Variants in DLG5 observed in about 807,000 individuals in gnomAD.
The protein encoded by DLG5 is discs large MAGUK scaffold protein 5, also known as disks large homolog 5.
In DLG5, 48 loss-of-function variants were observed where a neutral mutation model predicts 189.8. The ratio of observed to expected loss-of-function variants is 0.25; its 90% CI spans 0.20 to 0.32. The LOEUF (loss-of-function observed/expected upper bound fraction) is 0.32, where lower values mean the gene tolerates loss of function less well. Ranked by LOEUF, DLG5 falls within the 10% of genes least tolerant of loss-of-function variation. The pLI, the probability that DLG5 is intolerant of heterozygous loss-of-function variation, is 1.00. For synonymous variants in DLG5, 1,016 were observed against 1,054.1 expected (o/e 0.96, Z 0.70); for missense variants, 2,160 against 2,544.7 (o/e 0.85, Z 3.25).
At chr10:77,834,722 T>C (rs761138121) in intron 8 of DLG5, among the ~76,000 whole-genome samples, 133 of 152,024 alleles carry the variant, frequency 8.7e-4, no homozygotes, top group Non-Finnish European at 1.5e-3. Context: ...CAGCCTCGAA[T>C]CTCCCCCAGC....
chr10:77,916,591 CA>C (rs1490841093), intron 1 of DLG5, among the ~76,000 whole-genome samples: 24 of 152,084 alleles, frequency 1.6e-4, no homozygotes, highest in African/African-American at 4.1e-4. Flanking sequence ...CACGCCCGGC[CA>C]AAAACAATTT....
intron 1 of DLG5, among the ~76,000 whole-genome samples, chr10:77,917,753 G>A (rs192734277): frequency 1.4e-4 from 21 of 152,242 alleles, no homozygotes; most frequent in Admixed American, 2.0e-4. Flanking sequence ...CTGGCTGGGC[G>A]CAGTGGCTCA....
At position 77,791,116 on chromosome 10, in the gene DLG5, C is replaced by G. The variant is rs1238916832; in HGVS notation, c.*1324G>C. 2 of 152,572 alleles carry G rather than the reference C, an allele frequency of 1.3e-5. No individual in the cohort carries two copies. The highest frequency in any genetic ancestry group is 1.3e-4 in the Admixed American group (2 of 15,276). The allele number at this position is 152,572 out of a possible 1,614,324, so 9.5% of individuals were successfully genotyped here. On this transcript the variant is annotated 3_prime_UTR_variant, in exon 32 of 32. Coordinates refer to ENST00000372391, the MANE Select transcript of DLG5 (RefSeq NM_004747.4). ...AGAAAATATATCCCTTTTTAAAAAACATCAGTTATGGCTAAACTACAATCT... is the reference window on the plus strand; with the variant it reads ...AGAAAATATATCCCTTTTTAAAAAAGATCAGTTATGGCTAAACTACAATCT...
intron 5 of DLG5, 151 bp from the exon 6 acceptor site, chr10:77,843,857 C>G: frequency 1.1e-6 from 1 of 914,710 alleles, no homozygotes; most frequent in Non-Finnish European, 1.7e-6. Context: ...TCTTGAGGTC[C>G]AATTCTCCAG....
Position 77,834,036 on chromosome 10 carries a change from T to G in DLG5, c.1626A>C (p.Thr542=). 1 of 1,609,236 alleles carries G rather than the reference T, an allele frequency of 6.2e-7. No homozygotes were observed. Among genetic ancestry groups the G allele is most frequent in the South Asian group, 1.1e-5 (1 of 91,020 alleles). ...KIVAERDSIR[T]LCDNLRRERD... is the part of the protein sequence containing the mutation. ...GCTCCCGCCTCAGGTTGTCACACAGTGTCCTGGTGGAAGGAGCAGAGGACA... is the reference window on the plus strand; with the variant it reads ...GCTCCCGCCTCAGGTTGTCACACAGGGTCCTGGTGGAAGGAGCAGAGGACA... The change falls in exon 9 of 32, where the codon ACA becomes ACC. Residue 542 remains threonine (T), a synonymous_variant. Coordinates refer to ENST00000372391, the MANE Select transcript of DLG5 (RefSeq NM_004747.4).
intron 13 of DLG5, among the ~76,000 whole-genome samples, chr10:77,826,429 C>T (rs1842643232): frequency 6.6e-6 from 1 of 151,958 alleles, no homozygotes; most frequent in Admixed American, 6.6e-5. Context: ...AGTTCAAGAC[C>T]AGCCTGGGCA....
At chr10:77,838,039 T>C (rs777432795) in intron 7 of DLG5, among the ~76,000 whole-genome samples, 9 of 152,182 alleles carry the variant, frequency 5.9e-5, no homozygotes, top group Non-Finnish European at 1.0e-4. Flanking sequence ...CTCTGCTTCC[T>C]GGGAAGCTTC....
the DLG5 span, among the ~76,000 whole-genome samples, chr10:77,934,298 G>A: frequency 6.8e-6 from 1 of 148,024 alleles, no homozygotes; most frequent in Non-Finnish European, 1.5e-5. Flanking sequence ...TTGAACCTGG[G>A]AGGCAGAGGT....
At chr10:77,911,471 G>GATTT (rs993433580) in intron 1 of DLG5, among the ~76,000 whole-genome samples, 7 of 152,170 alleles carry the variant, frequency 4.6e-5, no homozygotes, top group African/African-American at 1.7e-4. Flanking sequence ...AATAGAATTA[G>GATTT]ATTTTGTTTC....
chr10:77,814,505 A>ATCTATATC (rs1555546642), intron 20 of DLG5, among the ~76,000 whole-genome samples: 1 of 110,256 alleles, frequency 9.1e-6, no homozygotes, highest in African/African-American at 3.4e-5. Context: ...ATATATATAT[A>ATCTATATC]TCCAAAGGGT....
intron 1 of DLG5, among the ~76,000 whole-genome samples, chr10:77,888,378 C>T (rs1163829420): frequency 1.3e-5 from 2 of 152,168 alleles, no homozygotes; most frequent in African/African-American, 4.8e-5. Flanking sequence ...TGTGTCAGCA[C>T]CTCTTCCCTC....
intron 1 of DLG5, among the ~76,000 whole-genome samples, chr10:77,876,751 A>AGAAGGAAGG: frequency 8.6e-6 from 1 of 115,718 alleles, no homozygotes; most frequent in South Asian, 3.0e-4. Flanking sequence ...AAGGAAGGAA[A>AGAAGGAAGG]AAAAAAAAGT....
At chr10:77,820,878 T>C (rs888028581) in intron 15 of DLG5, 16 of 594,678 alleles carry the variant, frequency 2.7e-5, no homozygotes, top group South Asian at 1.8e-4. Flanking sequence ...TCCCCTCTTG[T>C]GTCACACTCC....
In DLG5 at chr10:77,806,794, T is replaced by C; in HGVS notation, c.4931A>G (p.Gln1644Arg). The C allele has an allele frequency of 6.2e-7, 1 of 1,609,190 alleles. No homozygotes were observed. The highest frequency in any genetic ancestry group is 1.1e-5 in the South Asian group (1 of 90,886). The change falls in exon 26 of 32, where the codon CAG becomes CGG. Residue 1644 changes from glutamine to arginine, a missense_variant. Transcript: ENST00000372391. ...GGGAATCTGCCCGCGCTGGATCTTC[T>C]GGGCATTCTCGTCCAGCTGCCAAGC... ...WMAWQLDENA[Q>R]KIQRGQIPSK... is the part of the protein sequence containing the mutation.
Position 77,926,492 on chromosome 10 carries a change from G to A in DLG5, c.29C>T (p.Ala10Val). MEPQRRELL[A>V]QCQQSLAQAM... ...CTGGGCCAGGCTCTGCTGACACTGGGCGAGCAGCTCCCGGCGCTGGGGCTC... is the reference window on the plus strand; with the variant it reads ...CTGGGCCAGGCTCTGCTGACACTGGACGAGCAGCTCCCGGCGCTGGGGCTC... Residue 10 changes from alanine (A) to valine (V), a missense_variant, in exon 1 of 32, where the codon GCC becomes GTC. Coordinates refer to ENST00000372391, the MANE Select transcript of DLG5 (RefSeq NM_004747.4). The surrounding 1 kb of genome is among the most constrained non-coding windows in gnomAD (Gnocchi z 5.2). 1 of 1,420,574 alleles carries A rather than the reference G, an allele frequency of 7.0e-7. No homozygotes were observed. The allele number at this position is 1,420,574 out of a possible 1,614,324, so 88.0% of individuals were successfully genotyped here. A position where few individuals can be genotyped will look rare whatever the true frequency, so the allele number is the denominator to read the frequency against.
intron 1 of DLG5, among the ~76,000 whole-genome samples, chr10:77,907,242 C>T (rs775577152): frequency 3.9e-5 from 6 of 152,218 alleles, no homozygotes; most frequent in South Asian, 2.1e-4. Flanking sequence ...CTCCTGCCCC[C>T]CTATGCCACT....
intron 9 of DLG5, among the ~76,000 whole-genome samples, chr10:77,832,579 T>C (rs1842935207): frequency 6.6e-6 from 1 of 152,214 alleles, no homozygotes; most frequent in Non-Finnish European, 1.5e-5. Flanking sequence ...ACCTGTCTCA[T>C]CTGGCATTAC....
At chr10:77,856,443 C>G (rs1844229598) in intron 3 of DLG5, among the ~76,000 whole-genome samples, 1 of 126,274 alleles carries the variant, frequency 7.9e-6, no homozygotes, top group African/African-American at 3.4e-5. Context: ...GTCTAGGAGA[C>G]AGTGGTAGGG....
chr10:77,835,546 G>C (rs1843085548), intron 8 of DLG5, among the ~76,000 whole-genome samples, 192 bp downstream of exon 8: 1 of 152,208 alleles, frequency 6.6e-6, no homozygotes, highest in Admixed American at 6.5e-5. Flanking sequence ...AGATGGGAGG[G>C]AGAAACAATG....
Sources: allele counts gnomAD v4.1 joint callset (sites outside exome capture counted in the v4.1 genomes callset), GRCh38; gene constraint gnomAD v4.1.1; non-coding constraint Gnocchi (gnomAD v3.1); transcripts MANE v1.5; gene names NCBI Gene and HGNC (gene_info 2026-07-23, HGNC 2026-07-21).